The following ERN1 variants were observed in gnomAD, a reference collection of about 807,000 sequenced individuals.
ERN1 encodes serine/threonine-protein kinase/endoribonuclease IRE1.
ERN1 carries 39 observed loss-of-function variants against 113.1 expected under a neutral mutation model. The ratio of observed to expected loss-of-function variants is 0.34; its 90% CI spans 0.27 to 0.45. The LOEUF is 0.45. Ranked by LOEUF, ERN1 falls within the 20% of genes least tolerant of loss-of-function variation. ERN1 has a pLI of 1.00. For synonymous variants in ERN1, 507 were observed against 515.9 expected (o/e 0.98, Z 0.23); for missense variants, 976 against 1,274.8 (o/e 0.77, Z 3.57).
intron 20 of ERN1, 145 bp from the exon 21 acceptor site, chr17:64,045,072 C>T (rs1912468017): frequency 1.4e-6 from 1 of 717,212 alleles, no homozygotes; most frequent in Non-Finnish European, 2.4e-6. Context: ...CAGATCCTCC[C>T]ATCCAACCCA....
intron 18 of ERN1, 107 bp downstream of exon 18, chr17:64,048,948 G>A (rs1213637123): frequency 2.6e-6 from 3 of 1,151,682 alleles, no homozygotes; most frequent in East Asian, 2.7e-5. Context: ...GTGAGCAGCT[G>A]GGGCACCACG....
rs767637095 is a variant in ERN1 at position 64,040,192 on chromosome 17, A to G, written c.*3796T>C. On this transcript the variant is annotated 3_prime_UTR_variant, in exon 22 of 22. Transcript: ENST00000433197. ...GAAAGGCAATCTCAGACACTAAAAG[A>G]GCAGAGAGAGAAAGCGACATGGGGG... The G allele has an allele frequency of 1.3e-5, 2 of 152,302 alleles. No individual in the cohort carries two copies. Among genetic ancestry groups the G allele is most frequent in the Non-Finnish European group, 2.9e-5 (2 of 68,096 alleles). The allele number at this position is 152,302 out of a possible 1,614,324, so 9.4% of individuals were successfully genotyped here.
rs1912615693 is a variant in ERN1 at position 64,049,477 on chromosome 17, CAA to C, written c.2254-277_2254-276del. On this transcript the variant is annotated intron_variant, in intron 17 of 21. Transcript: ENST00000433197. The surrounding 1 kb of genome is among the most constrained non-coding windows in gnomAD (Gnocchi z 4.7). ...GACACTGACAGCATGGGGCTGTTGT[CAA>C]AAGAGATGCATTAATATGCAAAAAT... Among the ~76,000 whole-genome samples, 1 of 152,182 alleles carries C rather than the reference CAA, an allele frequency of 6.6e-6. No individual in the cohort carries two copies.
Position 64,044,185 on chromosome 17 carries a change from C to G in ERN1, c.2737G>C (p.Glu913Gln), listed in dbSNP as rs1412739237. ...AMRNKKHHYR[E>Q]LPAEVRETLG... ...GTCTCCCGCACCTCTGCAGGCAGCTCCCGGTAGTGGTGCTTCTGCAAAGAG... is the reference window on the plus strand; with the variant it reads ...GTCTCCCGCACCTCTGCAGGCAGCTGCCGGTAGTGGTGCTTCTGCAAAGAG... Residue 913 changes from glutamate to glutamine, a missense_variant, in exon 22 of 22, where the codon GAG (glutamate) becomes CAG (glutamine). Physicochemically the swap from Glu to Gln is conservative, Grantham distance 29 (BLOSUM62 2). Transcript: ENST00000433197. This position sits in a 1 kb window ranked among gnomAD's most constrained non-coding sequence, Gnocchi z 4.1. 1.9e-6 allele frequency: 3 copies of G among 1,556,978 alleles called. No individual in the cohort carries two copies. The African/African-American group carries it at 4.1e-5, about 21-fold the overall frequency.
At chr17:64,100,372 CT>C (rs760037313) in intron 1 of ERN1, among the ~76,000 whole-genome samples, 1 of 152,152 alleles carries the variant, frequency 6.6e-6, no homozygotes, top group Non-Finnish European at 1.5e-5. Flanking sequence ...GTGGAAATCC[CT>C]GCTGAGCCCT....
intron 4 of ERN1, among the ~76,000 whole-genome samples, chr17:64,077,484 A>C: frequency 6.7e-6 from 1 of 150,170 alleles, no homozygotes; most frequent in East Asian, 2.0e-4. Flanking sequence ...AACAGCAGAG[A>C]CTCGTTTTTC....
intron 1 of ERN1, among the ~76,000 whole-genome samples, chr17:64,119,022 T>C (rs890665506): frequency 6.6e-6 from 1 of 152,182 alleles, no homozygotes. Context: ...TCATTTTTGT[T>C]ATGGAAGGTT....
At chr17:64,091,831 C>T (rs983883843) in intron 2 of ERN1, among the ~76,000 whole-genome samples, 2 of 152,068 alleles carry the variant, frequency 1.3e-5, no homozygotes, top group African/African-American at 2.4e-5. Flanking sequence ...TAGACTTGAC[C>T]CTGTGGAGCA....
At chr17:64,108,448 C>T (rs1429639745) in intron 1 of ERN1, among the ~76,000 whole-genome samples, 1 of 152,078 alleles carries the variant, frequency 6.6e-6, no homozygotes, top group Non-Finnish European at 1.5e-5. Context: ...TTTTCCCTGA[C>T]GTGGTTAGGA....
chr17:64,113,841 C>A (rs1339754039), intron 1 of ERN1, among the ~76,000 whole-genome samples: 1 of 152,036 alleles, frequency 6.6e-6, no homozygotes, highest in Non-Finnish European at 1.5e-5. Flanking sequence ...CACCACCATG[C>A]CCGGCTAATT....
chr17:64,127,910 CTA>C (rs146199463), intron 1 of ERN1, among the ~76,000 whole-genome samples: 7,228 of 152,144 alleles, frequency 0.048, 237 homozygotes, highest in African/African-American at 0.086. Context: ...GCAAACTTTG[CTA>C]TGAGTTTCAT....
intron 1 of ERN1, 195 bp downstream of exon 1, chr17:64,129,781 C>A (rs756627028): frequency 4.6e-6 from 2 of 439,022 alleles, no homozygotes. Flanking sequence ...GGCCGCGACT[C>A]CCGTCAGGGA....
chr17:64,090,320 A>G (rs1466561350), intron 2 of ERN1, among the ~76,000 whole-genome samples: 1 of 152,230 alleles, frequency 6.6e-6, no homozygotes, highest in Non-Finnish European at 1.5e-5. Context: ...AGAAATGACC[A>G]AGTAATCCGG....
At chr17:64,098,777 AT>A (rs1914302589) in intron 1 of ERN1, among the ~76,000 whole-genome samples, 2 of 152,234 alleles carry the variant, frequency 1.3e-5, no homozygotes, top group African/African-American at 4.8e-5. Flanking sequence ...AAGTAAATGA[AT>A]AAAAAGCATA....
At chr17:64,062,716 C>T (rs1192674753) in intron 10 of ERN1, among the ~76,000 whole-genome samples, 1 of 152,196 alleles carries the variant, frequency 6.6e-6, no homozygotes, top group Non-Finnish European at 1.5e-5. Context: ...TAATGCTGAG[C>T]AGCCTTGTAA....
intron 1 of ERN1, among the ~76,000 whole-genome samples, chr17:64,111,260 G>T (rs1914663698): frequency 6.6e-6 from 1 of 152,066 alleles, no homozygotes; most frequent in Non-Finnish European, 1.5e-5. Context: ...ATCCTATAAA[G>T]GATATTCTCT....
Position 64,052,959 on chromosome 17 carries a change from G to A in ERN1, c.2074C>T (p.His692Tyr), listed in dbSNP as rs369847487. The change falls in exon 17 of 22, where the codon CAC becomes TAC. Residue 692 changes from histidine (H) to tyrosine (Y), a missense_variant. This residue lies in a region of ERN1 where 297 missense variants were observed against 457.8 expected (regional missense o/e 0.65). Coordinates refer to ENST00000433197, the MANE Select transcript of ERN1 (RefSeq NM_001433.5). Reference protein sequence around the residue: ...LNIVHRDLKPHNILISMPNAH... With the variant: ...LNIVHRDLKPYNILISMPNAH... Reference sequence around the variant, plus strand: ...TTGGGCATGGATATGAGGATGTTGTGTGGCTTTAGGTCTCTGTGAACTAAC... The same window carrying A: ...TTGGGCATGGATATGAGGATGTTGTATGGCTTTAGGTCTCTGTGAACTAAC... 8.1e-6 allele frequency: 13 copies of A among 1,612,452 alleles called. No homozygotes were observed. The highest frequency in any genetic ancestry group is 1.0e-5 in the Non-Finnish European group (12 of 1,179,006).
chr17:64,074,172 ATTACT>A (rs1225719474), intron 5 of ERN1, among the ~76,000 whole-genome samples: 1 of 152,320 alleles, frequency 6.6e-6, no homozygotes, highest in African/African-American at 2.4e-5. Context: ...TAACTCAGTT[ATTACT>A]TTAATGGGTA....
intron 1 of ERN1, among the ~76,000 whole-genome samples, chr17:64,124,071 G>A (rs961848533): frequency 8.5e-5 from 13 of 152,322 alleles, no homozygotes; most frequent in African/African-American, 2.9e-4. Flanking sequence ...CCACCAGGAT[G>A]GCTAAGATTA....
Sources: gnomAD v4.1 joint callset for allele counts (sites outside exome capture counted in the v4.1 genomes callset) on GRCh38, gnomAD v4.1.1 for gene constraint, gnomAD v4.1.1 regional missense constraint, Gnocchi (gnomAD v3.1) non-coding constraint, MANE v1.5 for transcripts, NCBI Gene and HGNC (gene_info 2026-07-23, HGNC 2026-07-21) for gene names.